Variants in SYNE2 observed in about 807,000 individuals in gnomAD.
SYNE2 encodes the protein nesprin-2.
Under a neutral mutation model 856.3 loss-of-function variants are expected in SYNE2, and 431 were observed. The ratio of observed to expected loss-of-function variants is 0.50; its 90% CI spans 0.47 to 0.55. The LOEUF (loss-of-function observed/expected upper bound fraction) is 0.55. Among genes scored for constraint, SYNE2 ranks in the 20% least tolerant of loss-of-function variants. The pLI is 0.00. For missense variants in SYNE2, 8,129 were observed against 8,023.2 expected, an observed-to-expected ratio of 1.01 and a Z score of -0.50; for synonymous variants, 2,923 against 2,872.3, an observed-to-expected ratio of 1.02 and a Z score of -0.56.
chr14:64,024,782 TA>T, intron 39 of SYNE2, 129 bp from the exon 40 acceptor site: 1 of 1,004,286 alleles, frequency 1.0e-6, no homozygotes. Flanking sequence ...TATTACAAAT[TA>T]AATTCTCTCT....
At chr14:63,972,837 A>T (rs1368756931) in intron 11 of SYNE2, among the ~76,000 whole-genome samples, 1 of 152,224 alleles carries the variant, frequency 6.6e-6, no homozygotes, top group Non-Finnish European at 1.5e-5. Context: ...ATAATAGTTG[A>T]ACTAGAGGTA....
At chr14:63,814,459 T>A (rs375884383) in intron 1 of SYNE2, among the ~76,000 whole-genome samples, 1 of 56,696 alleles carries the variant, frequency 1.8e-5, no homozygotes, top group African/African-American at 5.5e-5. Context: ...ATATATATCC[T>A]TATATATCAT....
chr14:64,112,072 A>G (rs902504972), intron 65 of SYNE2, among the ~76,000 whole-genome samples: 5 of 152,224 alleles, frequency 3.3e-5, no homozygotes, highest in Non-Finnish European at 5.9e-5. Context: ...AGCTTTCATA[A>G]TACTCATCAG....
At chr14:64,021,182 A>G in intron 35 of SYNE2, 133 bp from the exon 36 acceptor site, 1 of 761,992 alleles carries the variant, frequency 1.3e-6, no homozygotes, top group South Asian at 1.5e-5. Flanking sequence ...TGACATAGAA[A>G]AACGTAGAGC....
intron 66 of SYNE2, among the ~76,000 whole-genome samples, chr14:64,115,393 G>A (rs1344140832): frequency 2.0e-5 from 3 of 152,074 alleles, no homozygotes; most frequent in Non-Finnish European, 4.4e-5. Flanking sequence ...GGAAGGCAAG[G>A]GAACTCCCAG....
Position 64,225,601 on chromosome 14 carries a change from C to T in SYNE2, c.*75C>T. On this transcript the variant is annotated 3_prime_UTR_variant, in exon 116 of 116. Coordinates refer to ENST00000555002, the MANE Select transcript of SYNE2 (RefSeq NM_182914.3). ...GCCCAGCACGTGGCCCCAGACCAAT[C>T]TGAGTGACTTAGTGTTGGCAAGGTC... 1 of 1,495,348 alleles carries T rather than the reference C, an allele frequency of 6.7e-7. No homozygotes were observed. Among genetic ancestry groups the T allele is most frequent in the Non-Finnish European group, 9.2e-7 (1 of 1,084,634 alleles). 92.6% of individuals were successfully genotyped at this position (1,495,348 alleles called of 1,614,324 possible).
chr14:63,963,285 G>A (rs1029529812), intron 9 of SYNE2, among the ~76,000 whole-genome samples: 1 of 152,136 alleles, frequency 6.6e-6, no homozygotes, highest in African/African-American at 2.4e-5. Flanking sequence ...GAAATTGAGT[G>A]CAAAAATATT....
chr14:63,985,447 C>T (rs543231928), intron 18 of SYNE2, among the ~76,000 whole-genome samples: 34 of 151,528 alleles, frequency 2.2e-4, no homozygotes, highest in Admixed American at 2.2e-3. Context: ...AGTATGTCAA[C>T]CTATAGATTA....
intron 1 of SYNE2, among the ~76,000 whole-genome samples, chr14:63,810,658 A>G (rs973979573): frequency 6.6e-6 from 1 of 152,052 alleles, no homozygotes; most frequent in Non-Finnish European, 1.5e-5. Flanking sequence ...AGTTTTTTTG[A>G]TTTTCTATTT....
chr14:63,894,393 A>G (rs1471137741), intron 1 of SYNE2, among the ~76,000 whole-genome samples: 1 of 150,386 alleles, frequency 6.6e-6, no homozygotes, highest in Non-Finnish European at 1.5e-5. Flanking sequence ...ATTAAAAACA[A>G]TTTTTTTTTC....
At chr14:63,954,353 A>G (rs1365289333) in intron 7 of SYNE2, among the ~76,000 whole-genome samples, 2 of 152,320 alleles carry the variant, frequency 1.3e-5, no homozygotes, top group Middle Eastern at 3.4e-3. Flanking sequence ...AAGGGCATCA[A>G]TCTTGAGTGA....
chr14:64,152,097 A>G (rs982530502), intron 84 of SYNE2, among the ~76,000 whole-genome samples: 2 of 152,212 alleles, frequency 1.3e-5, no homozygotes, highest in Admixed American at 1.3e-4. Context: ...GATTAAAGTT[A>G]TTACTGAACT....
intron 1 of SYNE2, among the ~76,000 whole-genome samples, chr14:63,865,722 C>T (rs190267722): frequency 1.7e-4 from 19 of 112,286 alleles, no homozygotes; most frequent in African/African-American, 6.1e-4. Context: ...CCACCCCCCC[C>T]CCAAAAAAAA....
In SYNE2 at chr14:64,020,044, C is replaced by T. The variant is rs1281698111; in HGVS notation, c.5102C>T (p.Ala1701Val). ...ACTTCAGAATTTTCTAGAAGAGTGG[C>T]TGAAATACAGTTTTTGCTCCAAAGC... ...QKTSEFSRRV[A>V]EIQFLLQSSE... The change falls in exon 35 of 116, where the codon GCT becomes GTT. Residue 1701 changes from alanine to valine, a missense_variant. This residue lies in a region of SYNE2 where 2,422 missense variants were observed against 2,357.4 expected (regional missense o/e 1.03). Coordinates refer to ENST00000555002, the MANE Select transcript of SYNE2 (RefSeq NM_182914.3). The T allele has an allele frequency of 6.2e-7, 1 of 1,613,928 alleles. No individual in the cohort carries two copies. Among genetic ancestry groups the T allele is most frequent in the African/African-American group, 1.3e-5 (1 of 75,034 alleles).
At chr14:63,842,394 T>G (rs1890097007) in intron 1 of SYNE2, among the ~76,000 whole-genome samples, 1 of 150,256 alleles carries the variant, frequency 6.7e-6, no homozygotes, top group Admixed American at 6.6e-5. Flanking sequence ...TCAAGTGATT[T>G]GCCCACCTCA....
intron 1 of SYNE2, among the ~76,000 whole-genome samples, chr14:63,869,026 G>A (rs1376640421): frequency 1.3e-5 from 2 of 152,186 alleles, no homozygotes; most frequent in Non-Finnish European, 2.9e-5. Context: ...TAACCTTCAA[G>A]CAGCTCCGAA....
intron 99 of SYNE2, chr14:64,190,838 G>T (rs530706808): frequency 1.5e-6 from 1 of 689,036 alleles, no homozygotes; most frequent in Admixed American, 2.0e-5. Flanking sequence ...CAGAAATAGC[G>T]CTGATAATTT....
chr14:63,825,894 A>G (rs1889411134), intron 1 of SYNE2, among the ~76,000 whole-genome samples: 1 of 152,098 alleles, frequency 6.6e-6, no homozygotes, highest in African/African-American at 2.4e-5. Flanking sequence ...AAAGAAATGT[A>G]AAGACCTAAG....
At chr14:64,202,004 A>G (rs1287587243) in intron 99 of SYNE2, among the ~76,000 whole-genome samples, 1 of 152,226 alleles carries the variant, frequency 6.6e-6, no homozygotes, top group Non-Finnish European at 1.5e-5. Flanking sequence ...TTCCCCCAAC[A>G]GCTACATCAC....
Sources: allele counts gnomAD v4.1 joint callset (sites outside exome capture counted in the v4.1 genomes callset), GRCh38; gene constraint gnomAD v4.1.1; regional missense constraint gnomAD v4.1.1; transcripts MANE v1.5; gene names NCBI Gene and HGNC (gene_info 2026-07-23, HGNC 2026-07-21).